The following TENM3 variants were observed in gnomAD, a reference collection of about 807,000 sequenced individuals.
TENM3 encodes teneurin transmembrane protein 3, also known as teneurin-3.
TENM3 carries 63 observed loss-of-function variants against 255.1 expected under a neutral mutation model. That is an observed-to-expected ratio of 0.25 (90% CI 0.20 to 0.30). The LOEUF (loss-of-function observed/expected upper bound fraction) is 0.30, where lower values mean the gene tolerates loss of function less well. Among genes scored for constraint, TENM3 ranks in the 10% least tolerant of loss-of-function variants. The probability of loss-of-function intolerance (pLI) is 1.00; values close to 1 mark genes in which losing one functional copy is unlikely to be tolerated. For synonymous variants in TENM3, 1,306 were observed against 1,322.3 expected, an observed-to-expected ratio of 0.99 and a Z score of 0.27; for missense variants, 2,929 against 3,461.1, an observed-to-expected ratio of 0.85 and a Z score of 3.86.
chr4:182,567,549 TC>T, intron 3 of TENM3, among the ~76,000 whole-genome samples: 1 of 152,192 alleles, frequency 6.6e-6, no homozygotes, highest in East Asian at 1.9e-4. Flanking sequence ...CTCTCCTACT[TC>T]CTCCTGTTTC....
At chr4:182,538,150 T>C (rs573403043) in intron 3 of TENM3, among the ~76,000 whole-genome samples, 1 of 152,198 alleles carries the variant, frequency 6.6e-6, no homozygotes, top group Admixed American at 6.5e-5. Context: ...TATTCAGGCA[T>C]CCGCACGTCT....
At chr4:182,046,065 T>C in the TENM3 span, among the ~76,000 whole-genome samples, 1 of 152,100 alleles carries the variant, frequency 6.6e-6, no homozygotes, top group African/African-American at 2.4e-5. Context: ...AAGCTTCTGT[T>C]TATTAACTCA....
intron 1 of TENM3, among the ~76,000 whole-genome samples, chr4:182,223,820 A>G (rs1427215275): frequency 2.0e-5 from 3 of 148,096 alleles, no homozygotes; most frequent in Non-Finnish European, 4.5e-5. Flanking sequence ...ATTGACTGGT[A>G]AATTATTAGT....
At chr4:182,761,572 G>C (rs1223157503) in intron 22 of TENM3, among the ~76,000 whole-genome samples, 1 of 151,770 alleles carries the variant, frequency 6.6e-6, no homozygotes, top group East Asian at 1.9e-4. Flanking sequence ...ATTAAAAACT[G>C]AGCAGCCCAC....
intron 24 of TENM3, among the ~76,000 whole-genome samples, chr4:182,776,952 G>A (rs1032212429): frequency 3.3e-5 from 5 of 152,192 alleles, no homozygotes; most frequent in Non-Finnish European, 7.3e-5. Flanking sequence ...GATCACAAGG[G>A]AGGGCTTCTT....
chr4:181,481,776 A>G, the TENM3 span, among the ~76,000 whole-genome samples: 1 of 152,154 alleles, frequency 6.6e-6, no homozygotes, highest in Non-Finnish European at 1.5e-5. Flanking sequence ...CTTCATGTGC[A>G]AAAAAGGAGA....
chr4:181,490,322 A>G, the TENM3 span, among the ~76,000 whole-genome samples: 1 of 152,176 alleles, frequency 6.6e-6, no homozygotes, highest in Non-Finnish European at 1.5e-5. Context: ...GTATCACCAG[A>G]TGGTATCTTG....
chr4:181,652,912 C>A, the TENM3 span, among the ~76,000 whole-genome samples: 1 of 152,182 alleles, frequency 6.6e-6, no homozygotes, highest in East Asian at 1.9e-4. Flanking sequence ...TCTTTAACCT[C>A]TCTAAAATTC....
intron 3 of TENM3, among the ~76,000 whole-genome samples, chr4:182,428,801 A>G (rs2151180114): frequency 6.6e-6 from 1 of 152,328 alleles, no homozygotes; most frequent in Admixed American, 6.5e-5. Flanking sequence ...CCAAGAAATA[A>G]TATAAAAAAA....
the TENM3 span, among the ~76,000 whole-genome samples, chr4:181,780,071 A>C: frequency 6.6e-6 from 1 of 152,180 alleles, no homozygotes; most frequent in East Asian, 1.9e-4. Flanking sequence ...AGTCTTTGCT[A>C]TTGGGAATAG....
chr4:182,160,918 G>C (rs1751104567), intron 1 of TENM3, among the ~76,000 whole-genome samples: 1 of 152,020 alleles, frequency 6.6e-6, no homozygotes, highest in Non-Finnish European at 1.5e-5. Flanking sequence ...CATGTGGATT[G>C]AGAAATTACA....
chr4:182,017,109 C>T, the TENM3 span, among the ~76,000 whole-genome samples: 26 of 152,210 alleles, frequency 1.7e-4, no homozygotes, highest in African/African-American at 5.8e-4. Flanking sequence ...GACCACAGAG[C>T]GACTTAGCTG....
At chr4:181,782,648 C>A in the TENM3 span, among the ~76,000 whole-genome samples, 1 of 152,032 alleles carries the variant, frequency 6.6e-6, no homozygotes, top group African/African-American at 2.4e-5. Context: ...TTAGTTATTT[C>A]TTGCCTTCTG....
At chr4:181,584,861 A>G in the TENM3 span, among the ~76,000 whole-genome samples, 5 of 152,356 alleles carry the variant, frequency 3.3e-5, no homozygotes, top group East Asian at 9.6e-4. Flanking sequence ...ATTTAGCAGC[A>G]GAAAGCAAAG....
chr4:182,411,149 A>C (rs1282416632), intron 3 of TENM3, among the ~76,000 whole-genome samples: 1 of 152,206 alleles, frequency 6.6e-6, no homozygotes, highest in Non-Finnish European at 1.5e-5. Flanking sequence ...CATTAACCAA[A>C]GCCTGTCCCT....
chr4:182,608,240 A>AGATT lies in TENM3; in HGVS notation c.749+7099_749+7102dup, dbSNP rs573301794. Among the ~76,000 whole-genome samples, 512 of 152,068 alleles carry AGATT rather than the reference A, an allele frequency of 3.4e-3. 2 individuals are homozygous for AGATT. The highest frequency in any genetic ancestry group is 5.4e-3 in the Non-Finnish European group (364 of 67,980). ...ATCAAGGTGTATTCAGTTTTTTTAA[A>AGATT]GATTGATTGATTGATTGATTGATAT... On this transcript the variant is annotated intron_variant, in intron 4 of 27. Coordinates refer to ENST00000511685, the MANE Select transcript of TENM3 (RefSeq NM_001080477.4).
the TENM3 span, among the ~76,000 whole-genome samples, chr4:181,903,598 C>T: frequency 6.6e-6 from 1 of 152,190 alleles, no homozygotes; most frequent in Non-Finnish European, 1.5e-5. Flanking sequence ...GGTAATTAAC[C>T]TCCCTGTGTC....
At chr4:182,112,677 A>G in the TENM3 span, among the ~76,000 whole-genome samples, 1 of 152,228 alleles carries the variant, frequency 6.6e-6, no homozygotes, top group Non-Finnish European at 1.5e-5. Flanking sequence ...CTTGTTCAAT[A>G]AATGCCAAAT....
chr4:181,756,151 C>T, the TENM3 span, among the ~76,000 whole-genome samples: 6 of 152,148 alleles, frequency 3.9e-5, no homozygotes, highest in Non-Finnish European at 5.9e-5. Flanking sequence ...CAAAGGGTGA[C>T]GGGGACAAAA....
Sources: allele counts gnomAD v4.1 joint callset (sites outside exome capture counted in the v4.1 genomes callset), GRCh38; gene constraint gnomAD v4.1.1; transcripts MANE v1.5; gene names NCBI Gene and HGNC (gene_info 2026-07-23, HGNC 2026-07-21).